The following WDR89 variants were observed in gnomAD, a reference collection of about 807,000 sequenced individuals.
WDR89 encodes WD repeat-containing protein 89.
In WDR89, 17 loss-of-function variants were observed where a neutral mutation model predicts 29.1. The ratio of observed to expected loss-of-function variants is 0.58; its 90% confidence interval spans 0.40 to 0.88. WDR89 has a LOEUF of 0.88. Among genes scored for constraint, WDR89 ranks in the 40% least tolerant of loss-of-function variants. The pLI is 0.00. For missense variants in WDR89, 396 were observed against 456.3 expected, an observed-to-expected ratio of 0.87 and a Z score of 1.20; for synonymous variants, 138 against 157.8, an observed-to-expected ratio of 0.87 and a Z score of 0.94.
chr14:63,606,531 C>T (rs1895331362), intron 2 of WDR89, among the ~76,000 whole-genome samples: 1 of 152,112 alleles, frequency 6.6e-6, no homozygotes. Context: ...GTTACAACTG[C>T]TTAAAGTATT....
At chr14:63,634,044 G>A (rs1253449857) in intron 1 of WDR89, among the ~76,000 whole-genome samples, 1 of 152,124 alleles carries the variant, frequency 6.6e-6, no homozygotes, top group Non-Finnish European at 1.5e-5. Flanking sequence ...AAATCATCAG[G>A]ACATAATTCC....
rs1389683720 is a variant in WDR89, at chr14:63,598,081, T to C, written c.*698A>G. On this transcript the variant is annotated 3_prime_UTR_variant, in exon 3 of 3. Coordinates refer to ENST00000620954, the MANE Select transcript of WDR89 (RefSeq NM_080666.4). ...TTTATGGTTTGGACAACAGGAAGAA[T>C]AGCAATTTCTCCAAGTCGAGTCCTA... is the stretch of plus-strand genomic sequence containing the variant. 1.3e-5 allele frequency: 2 copies of C among 152,198 alleles called. No homozygotes were observed. Among genetic ancestry groups the C allele is most frequent in the African/African-American group, 4.8e-5 (2 of 41,452 alleles). The allele number at this position is 152,198 out of a possible 1,614,324, so 9.4% of individuals were successfully genotyped here. A position where few individuals can be genotyped will look rare whatever the true frequency, so the allele number is the denominator to read the frequency against.
intron 2 of WDR89, among the ~76,000 whole-genome samples, chr14:63,623,129 C>G (rs1882803593): frequency 6.9e-6 from 1 of 144,058 alleles, no homozygotes; most frequent in Non-Finnish European, 1.5e-5. Flanking sequence ...GCGTGGGAGA[C>G]AGAGGTTGCA....
chr14:63,628,322 C>T (rs1236906118), intron 1 of WDR89, among the ~76,000 whole-genome samples: 1 of 152,154 alleles, frequency 6.6e-6, no homozygotes, highest in Non-Finnish European at 1.5e-5. Flanking sequence ...TGAGAATTTT[C>T]GCTGACCAAA....
intron 1 of WDR89, among the ~76,000 whole-genome samples, chr14:63,639,843 G>C (rs1883989408): frequency 6.7e-6 from 1 of 149,188 alleles, no homozygotes; most frequent in Non-Finnish European, 1.5e-5. Flanking sequence ...CACGGGTTTG[G>C]CACAGTGGCT....
At chr14:63,632,672 T>C (rs1041900183) in intron 1 of WDR89, among the ~76,000 whole-genome samples, 4 of 150,398 alleles carry the variant, frequency 2.7e-5, no homozygotes, top group African/African-American at 7.5e-5. Flanking sequence ...GGATGAATTA[T>C]ACAGATGAAT....
chr14:63,601,498 T>A, intron 2 of WDR89: 1 of 1,323,628 alleles, frequency 7.6e-7, no homozygotes, highest in Non-Finnish European at 1.1e-6. Flanking sequence ...GAGTCTGAGG[T>A]GGAGGGAGTC....
At chr14:63,627,791 A>G (rs1459598648) in intron 1 of WDR89, among the ~76,000 whole-genome samples, 1 of 146,538 alleles carries the variant, frequency 6.8e-6, no homozygotes, top group African/African-American at 2.5e-5. Context: ...TCACTGTATG[A>G]AAAAAAAAAA....
chr14:63,614,903 A>G (rs1882211608), intron 2 of WDR89, among the ~76,000 whole-genome samples: 2 of 152,336 alleles, frequency 1.3e-5, no homozygotes, highest in Middle Eastern at 3.4e-3. Context: ...CTGCTTAGCT[A>G]GTCTGAATAT....
chr14:63,598,911 C>T lies in WDR89; in HGVS notation c.1032G>A (p.Gln344=), dbSNP rs1308057070. 1 of 1,614,194 alleles carries T rather than the reference C, an allele frequency of 6.2e-7. No individual in the cohort carries two copies. Among genetic ancestry groups the T allele is most frequent in the Non-Finnish European group, 8.5e-7 (1 of 1,180,032 alleles). ...TAGCTCCAGGTTTCCAAAGTAACAA[C>T]TGTGCATCTTCTCCTCCAGTCAACA... The part of the protein sequence containing the change: ...DSLLTGGEDA[Q]LLLWKPGAIE... The change falls in exon 3 of 3, where the codon CAG becomes CAA. Residue 344 remains glutamine (Q), a synonymous_variant. Transcript: ENST00000620954.
Position 63,613,092 on chromosome 14 carries a change from C to T in WDR89, c.-32+11836G>A, listed in dbSNP as rs117681439. Among the ~76,000 whole-genome samples the T allele has an allele frequency of 7.2e-4, 109 of 152,268 alleles. 2 individuals carry two copies. The East Asian group carries it at 0.012, about 16-fold the overall frequency. ...GGGTTTTCTCCACCTTTTCTTTGCTCATCTGCTGGCTCGATGGAGAAGACT... is the reference window on the plus strand; with the variant it reads ...GGGTTTTCTCCACCTTTTCTTTGCTTATCTGCTGGCTCGATGGAGAAGACT... On this transcript the variant is annotated intron_variant, in intron 2 of 2. Coordinates refer to ENST00000620954, the MANE Select transcript of WDR89 (RefSeq NM_080666.4).
chr14:63,625,324 A>G (rs575979870), intron 1 of WDR89, among the ~76,000 whole-genome samples: 35 of 151,020 alleles, frequency 2.3e-4, no homozygotes, highest in African/African-American at 8.4e-4. Context: ...GGGCACAAGG[A>G]AACTTTTTGG....
chr14:63,629,146 T>C (rs937053282), intron 1 of WDR89, among the ~76,000 whole-genome samples: 8 of 152,140 alleles, frequency 5.3e-5, no homozygotes, highest in African/African-American at 1.9e-4. Context: ...ACATCAGTGT[T>C]AGGCACTCTT....
chr14:63,615,668 T>G (rs1213769343), intron 2 of WDR89, among the ~76,000 whole-genome samples: 1 of 152,226 alleles, frequency 6.6e-6, no homozygotes, highest in African/African-American at 2.4e-5. Context: ...GGCTCATGCC[T>G]GTAGTCCCAG....
In WDR89 at chr14:63,638,125, A is replaced by T. The variant is rs538675695; in HGVS notation, c.-138+3679T>A. The stretch of plus-strand genomic sequence containing the variant: ...ATCCCCGGCTAATTTTTGTATTTTT[A>T]GTAGAGACAGGGTTTTGCCATGTTA... On this transcript the variant is annotated intron_variant, in intron 1 of 2. Transcript: ENST00000620954. Among the ~76,000 whole-genome samples the T allele has an allele frequency of 6.6e-5, 10 of 152,194 alleles. No homozygotes were observed. In the East Asian group the frequency reaches 1.9e-3, roughly 29 times the overall value.
At chr14:63,625,098 C>G (rs1174048536) in intron 1 of WDR89, 65 bp from the exon 2 acceptor site, 1 of 152,048 alleles carries the variant, frequency 6.6e-6, no homozygotes, top group Non-Finnish European at 1.5e-5. Flanking sequence ...GACTCTCCCT[C>G]CCCGAGAAAT....
chr14:63,637,821 G>A (rs1883836993), intron 1 of WDR89, among the ~76,000 whole-genome samples: 1 of 152,040 alleles, frequency 6.6e-6, no homozygotes, highest in Non-Finnish European at 1.5e-5. Flanking sequence ...GGGGGCAAGG[G>A]ATTAAAAGAC....
intron 2 of WDR89, chr14:63,618,021 T>A (rs974983549): frequency 1.3e-5 from 2 of 152,156 alleles, no homozygotes; most frequent in Non-Finnish European, 2.9e-5. Flanking sequence ...CTCAGATGCA[T>A]ACATTTAAAA....
intron 1 of WDR89, among the ~76,000 whole-genome samples, chr14:63,632,881 T>C (rs923000510): frequency 6.6e-6 from 1 of 152,138 alleles, no homozygotes; most frequent in African/African-American, 2.4e-5. Context: ...ACCCTCCCAA[T>C]AATCCTAAAA....
Sources: gnomAD v4.1 joint callset for allele counts (sites outside exome capture counted in the v4.1 genomes callset) on GRCh38, gnomAD v4.1.1 for gene constraint, MANE v1.5 for transcripts, NCBI Gene and HGNC (gene_info 2026-07-23, HGNC 2026-07-21) for gene names.